Variants in ZNF117 observed in about 807,000 individuals in gnomAD.
The protein encoded by ZNF117 is zinc finger protein 117, also known as Krueppel-related zinc finger protein.
Under a neutral mutation model 41.2 loss-of-function variants are expected in ZNF117, and 37 were observed. That is an observed-to-expected ratio of 0.90 (90% CI 0.69 to 1.18). The LOEUF is 1.18. Ranked by LOEUF, ZNF117 falls within the 50% of genes most tolerant of loss-of-function variation. The pLI is 0.00. For synonymous variants in ZNF117, 186 were observed against 186.6 expected (o/e 1.00, Z 0.02); for missense variants, 546 against 557.5 (o/e 0.98, Z 0.21).
At chr7:64,975,458 C>T (rs1785864720) in exon 3 of ZNF117, 1 of 151,960 alleles carries the variant, frequency 6.6e-6, no homozygotes, top group Non-Finnish European at 1.5e-5. Context: ...AGATTTTTAT[C>T]ATGCATCCTA....
At position 64,981,859 on chromosome 7, in the gene ZNF117, A is replaced by G. The variant is rs542705199; in HGVS notation, c.-63+125T>C. On this transcript the variant is annotated intron_variant, in intron 1 of 2. Coordinates refer to ENST00000620222, the Ensembl canonical transcript of ZNF117. ...AACTATTTTCTACAATGACAAATCTAAAAGATTTTTTTGAAAACAGGGATC... is the reference window on the plus strand; with the variant it reads ...AACTATTTTCTACAATGACAAATCTGAAAGATTTTTTTGAAAACAGGGATC... 13 of 372,196 alleles carry G rather than the reference A, an allele frequency of 3.5e-5. No homozygotes were observed. In the South Asian group the frequency reaches 7.3e-4, roughly 21 times the overall value. 23.1% of individuals were successfully genotyped at this position (372,196 alleles called of 1,614,324 possible).
Position 64,979,366 on chromosome 7 carries a change from GTC to G in ZNF117, c.203_204del (p.Gly68AlafsTer2), listed in dbSNP as rs781123076. On this transcript the variant is annotated frameshift_variant, in exon 3 of 3. Coordinates refer to ENST00000620222, the Ensembl canonical transcript of ZNF117. LOFTEE classifies it high-confidence loss of function. The stretch of plus-strand genomic sequence containing the variant: ...AAGGTAGTTTTCAAACATTGGTTAA[GTC>G]CACTATAATCTCCTTTGTGCTGTTT... 24 of 1,603,106 alleles carry G rather than the reference GTC, an allele frequency of 1.5e-5. No homozygotes were observed. The highest frequency in any genetic ancestry group is 3.3e-4 in the Middle Eastern group (2 of 5,984).
intron 1 of ZNF117, 124 bp from the exon 3 acceptor site, chr7:64,981,606 A>G (rs1031389573): frequency 9.3e-6 from 8 of 861,810 alleles, no homozygotes; most frequent in African/African-American, 8.9e-5. Flanking sequence ...ATGCTAATTT[A>G]TAACAAAAAT....
intron 1 of ZNF117, among the ~76,000 whole-genome samples, chr7:64,988,070 A>T (rs1786173259): frequency 6.6e-6 from 1 of 152,142 alleles, no homozygotes; most frequent in Admixed American, 6.5e-5. Flanking sequence ...ATTCCAAAAA[A>T]TTGAGAAAAA....
chr7:64,980,479 A>G (rs545325122), intron 2 of ZNF117: 2 of 152,016 alleles, frequency 1.3e-5, no homozygotes, highest in South Asian at 4.1e-4. Context: ...TAACAAAAAT[A>G]TTAAAAATAT....
chr7:64,976,827 G>A (rs1201574305), exon 3 of ZNF117: 1 of 409,156 alleles, frequency 2.4e-6, no homozygotes, highest in Non-Finnish European at 4.9e-6. Context: ...AAAGTTTCCA[G>A]TATTAATTTT....
rs939452833 is a variant in ZNF117 at position 64,981,267 on chromosome 7, C to T, written c.34+120G>A. ...TGTGAGAGAAAAATAAAAAAAAACT[C>T]GGGCTTTCCAGAAACTATTTCCTTT... is the stretch of plus-strand genomic sequence containing the variant. On this transcript the variant is annotated intron_variant, in intron 2 of 2. Coordinates refer to ENST00000620222, the Ensembl canonical transcript of ZNF117. 13 of 1,305,228 alleles carry T rather than the reference C, an allele frequency of 1.0e-5. No individual in the cohort carries two copies. In the East Asian group the frequency reaches 1.2e-4, roughly 12 times the overall value. 80.9% of individuals were successfully genotyped at this position (1,305,228 alleles called of 1,614,324 possible).
exon 3 of ZNF117, chr7:64,974,680 A>T (rs1381307217): frequency 6.6e-6 from 1 of 151,932 alleles, no homozygotes; most frequent in African/African-American, 2.4e-5. Flanking sequence ...TCAAAGAAAA[A>T]TACATAACAA....
At chr7:64,973,962 T>C (rs541923357), downstream of ZNF117, 2 of 152,054 alleles carry the variant, frequency 1.3e-5, no homozygotes, top group South Asian at 4.1e-4. Flanking sequence ...GGAACATCTG[T>C]TACACAGCAA....
upstream of ZNF117, among the ~76,000 whole-genome samples, chr7:64,982,918 C>T (rs748503808): frequency 6.6e-6 from 1 of 152,198 alleles, no homozygotes; most frequent in Non-Finnish European, 1.5e-5. Context: ...TGTGCTGATG[C>T]ACACAGAAAA....
intron 1 of ZNF117, among the ~76,000 whole-genome samples, chr7:64,988,194 C>T (rs908503607): frequency 6.6e-6 from 1 of 152,042 alleles, no homozygotes; most frequent in African/African-American, 2.4e-5. Context: ...ACCATTGATG[C>T]AAAAATCTTC....
chr7:64,985,637 T>G (rs531596094), upstream of ZNF117, among the ~76,000 whole-genome samples: 7 of 152,216 alleles, frequency 4.6e-5, no homozygotes, highest in African/African-American at 1.7e-4. Context: ...TACATAAAAT[T>G]TAAATGCTTT....
chr7:64,977,568 GGT>G (rs1785918226), exon 3 of ZNF117: 1 of 564,430 alleles, frequency 1.8e-6, no homozygotes, highest in Non-Finnish European at 3.4e-6. Context: ...ACACTTGTAG[GGT>G]TTCTCTCCAG....
chr7:64,978,638 G>A (rs749445222), exon 3 of ZNF117: 4 of 1,612,370 alleles, frequency 2.5e-6, no homozygotes, highest in South Asian at 1.1e-5. Flanking sequence ...TAAAAGCTTT[G>A]CCACATTCTT....
chr7:64,982,464 AAG>A (rs1402142305), upstream of ZNF117, among the ~76,000 whole-genome samples: 1 of 152,172 alleles, frequency 6.6e-6, no homozygotes, highest in Non-Finnish European at 1.5e-5. Flanking sequence ...TGAGATGAAA[AAG>A]ACATGTTGAG....
exon 3 of ZNF117, chr7:64,979,306 C>T (rs1785972830): frequency 1.3e-5 from 21 of 1,590,930 alleles, no homozygotes; most frequent in Non-Finnish European, 1.5e-5. Flanking sequence ...TTATGGAAAA[C>T]TTCTACATAT....
In ZNF117 at chr7:64,981,568, T is replaced by C. The variant is rs986548455; in HGVS notation, c.-62-86A>G. The C allele has an allele frequency of 2.5e-5, 27 of 1,095,440 alleles. No individual in the cohort carries two copies. In the African/African-American group the frequency reaches 3.7e-4, roughly 15 times the overall value. 67.9% of individuals were successfully genotyped at this position (1,095,440 alleles called of 1,614,324 possible). ...AATGTGCTCAGTAAAGAGAATGCAA[T>C]AGAATATTCTAGTAAATTAATCCCC... On this transcript the variant is annotated intron_variant, in intron 1 of 2. Coordinates refer to ENST00000620222, the Ensembl canonical transcript of ZNF117.
At chr7:64,971,939 G>A (rs149956950), downstream of ZNF117, 6 of 151,970 alleles carry the variant, frequency 3.9e-5, no homozygotes, top group Admixed American at 6.6e-5. Context: ...CAAATCATAC[G>A]TGGGACAAAG....
exon 2 of ZNF117, chr7:64,981,437 C>A (rs1293882266): frequency 6.2e-7 from 1 of 1,612,906 alleles, no homozygotes; most frequent in South Asian, 1.1e-5. Flanking sequence ...GGGCTCTTTT[C>A]CTTGCTCCAG....
Sources: gnomAD v4.1 joint callset for allele counts (sites outside exome capture counted in the v4.1 genomes callset) on GRCh38, gnomAD v4.1.1 for gene constraint, MANE v1.5 for transcripts, NCBI Gene and HGNC (gene_info 2026-07-23, HGNC 2026-07-21) for gene names.